The following PCLO variants were observed in gnomAD, a reference collection of about 807,000 sequenced individuals.
PCLO encodes piccolo presynaptic cytomatrix protein, also known as protein piccolo.
Under a neutral mutation model 427.5 loss-of-function variants are expected in PCLO, and 82 were observed. That is an observed-to-expected ratio of 0.19 (90% confidence interval 0.16 to 0.23). The LOEUF (loss-of-function observed/expected upper bound fraction) is 0.23. Among genes scored for constraint, PCLO ranks in the 10% least tolerant of loss-of-function variants. PCLO has a pLI of 1.00. For missense variants in PCLO, 6,239 were observed against 6,115.9 expected (o/e 1.02, Z -0.67); for synonymous variants, 2,357 against 2,155.4 (o/e 1.09, Z -2.59).
At chr7:82,790,307 T>C (rs1324475516) in intron 22 of PCLO, among the ~76,000 whole-genome samples, 2 of 152,122 alleles carry the variant, frequency 1.3e-5, no homozygotes, top group African/African-American at 4.8e-5. Context: ...TTCAGATATT[T>C]CATAATTTAT....
chr7:82,773,655 G>T (rs1286276840), intron 22 of PCLO, among the ~76,000 whole-genome samples: 1 of 150,818 alleles, frequency 6.6e-6, no homozygotes, highest in East Asian at 1.9e-4. Context: ...TTCCTTAACT[G>T]TCATGCTAGA....
At chr7:83,002,740 T>C (rs1562911896) in intron 3 of PCLO, among the ~76,000 whole-genome samples, 1 of 151,904 alleles carries the variant, frequency 6.6e-6, no homozygotes, top group Non-Finnish European at 1.5e-5. Flanking sequence ...TTTATTGATA[T>C]GGAAAGACTC....
At chr7:83,085,205 C>T (rs1164340926) in intron 3 of PCLO, among the ~76,000 whole-genome samples, 2 of 151,928 alleles carry the variant, frequency 1.3e-5, no homozygotes, top group Non-Finnish European at 2.9e-5. Context: ...GAAATGTGTG[C>T]CATTTCAGGA....
chr7:82,758,512 C>T lies in PCLO; in HGVS notation c.*63G>A, dbSNP rs1428161403. ...AAACTTAGCTTTGTACAATAGTATT[C>T]AACTATAGTCTTGATGTGAGGCTAT... On this transcript the variant is annotated 3_prime_UTR_variant, in exon 25 of 25. Coordinates refer to ENST00000333891, the MANE Select transcript of PCLO (RefSeq NM_033026.6). 2.1e-6 allele frequency: 3 copies of T among 1,404,208 alleles called. No individual in the cohort carries two copies. The highest frequency in any genetic ancestry group is 2.9e-5 in the African/African-American group (2 of 69,004). 87.0% of individuals were successfully genotyped at this position (1,404,208 alleles called of 1,614,324 possible).
At chr7:82,891,635 C>T (rs1468309157) in intron 9 of PCLO, among the ~76,000 whole-genome samples, 1 of 151,930 alleles carries the variant, frequency 6.6e-6, no homozygotes, top group Non-Finnish European at 1.5e-5. Context: ...GGAATGCTTC[C>T]AGTTTTTGCC....
intron 3 of PCLO, among the ~76,000 whole-genome samples, chr7:83,101,391 C>G (rs1584026412): frequency 6.6e-6 from 1 of 151,906 alleles, no homozygotes; most frequent in African/African-American, 2.4e-5. Context: ...GAAAATAACA[C>G]CATAGCTAAA....
At chr7:82,848,952 TA>T in intron 10 of PCLO, 2 of 379,590 alleles carry the variant, frequency 5.3e-6, no homozygotes, top group Admixed American at 2.9e-5. Flanking sequence ...GAAAATTATG[TA>T]AAAGACAGTG....
intron 10 of PCLO, among the ~76,000 whole-genome samples, chr7:82,877,975 C>T (rs1793415259): frequency 1.3e-5 from 2 of 152,144 alleles, no homozygotes. Context: ...GCCACCAAGC[C>T]CAGCCAACAA....
chr7:82,852,281 G>T (rs1792682990), intron 10 of PCLO, among the ~76,000 whole-genome samples: 2 of 152,208 alleles, frequency 1.3e-5, no homozygotes, highest in African/African-American at 4.8e-5. Flanking sequence ...ATGCAGTATT[G>T]TTCCTGGGTG....
At chr7:82,864,673 CA>C (rs1175458305) in intron 10 of PCLO, among the ~76,000 whole-genome samples, 1 of 152,064 alleles carries the variant, frequency 6.6e-6, no homozygotes, top group Non-Finnish European at 1.5e-5. Context: ...CTGTTATCCT[CA>C]AAACGTTATA....
chr7:82,846,211 G>A (rs1206982292), intron 12 of PCLO, among the ~76,000 whole-genome samples: 1 of 152,012 alleles, frequency 6.6e-6, no homozygotes, highest in African/African-American at 2.4e-5. Flanking sequence ...AAAGAATCAA[G>A]TACGCTCTAA....
chr7:83,002,273 G>A (rs1163680429), intron 3 of PCLO, among the ~76,000 whole-genome samples: 3 of 150,726 alleles, frequency 2.0e-5, no homozygotes, highest in African/African-American at 7.3e-5. Context: ...TTATCATACG[G>A]CTTCCTATTC....
chr7:83,014,892 A>C (rs1788169424), intron 3 of PCLO, among the ~76,000 whole-genome samples: 1 of 152,168 alleles, frequency 6.6e-6, no homozygotes, highest in Non-Finnish European at 1.5e-5. Context: ...CCCTTTTTTT[A>C]GTCACATTTC....
chr7:83,007,242 T>C (rs146716115), intron 3 of PCLO, among the ~76,000 whole-genome samples: 3 of 151,562 alleles, frequency 2.0e-5, no homozygotes, highest in East Asian at 3.9e-4. Flanking sequence ...GAAAAAAGTA[T>C]AGAAACACAA....
intron 3 of PCLO, among the ~76,000 whole-genome samples, chr7:83,037,314 T>G (rs1053950359): frequency 1.5e-4 from 23 of 152,058 alleles, no homozygotes; most frequent in Non-Finnish European, 3.2e-4. Context: ...AAAACAGCGT[T>G]CTGCCATATC....
chr7:82,815,035 CAA>C (rs1406679646), intron 20 of PCLO, among the ~76,000 whole-genome samples: 1 of 151,904 alleles, frequency 6.6e-6, no homozygotes, highest in East Asian at 1.9e-4. Flanking sequence ...AAAAAAATAT[CAA>C]GTTTTCAGCT....
At chr7:82,857,298 C>A (rs1342893460) in intron 10 of PCLO, among the ~76,000 whole-genome samples, 1 of 152,070 alleles carries the variant, frequency 6.6e-6, no homozygotes, top group African/African-American at 2.4e-5. Context: ...GTAGTTGATG[C>A]ACTTAGGAAT....
intron 6 of PCLO, among the ~76,000 whole-genome samples, chr7:82,935,849 C>T (rs755172845): frequency 2.6e-5 from 4 of 151,584 alleles, no homozygotes; most frequent in Admixed American, 6.6e-5. Context: ...AAAAATTAAG[C>T]TGGCAAAAAC....
intron 3 of PCLO, among the ~76,000 whole-genome samples, chr7:83,036,414 A>C (rs907914199): frequency 9.9e-5 from 15 of 152,174 alleles, no homozygotes; most frequent in Non-Finnish European, 2.1e-4. Context: ...AAGCTCTTGC[A>C]GATTGATTGC....
Sources: gnomAD v4.1 joint callset for allele counts (sites outside exome capture counted in the v4.1 genomes callset) on GRCh38, gnomAD v4.1.1 for gene constraint, MANE v1.5 for transcripts, NCBI Gene and HGNC (gene_info 2026-07-23, HGNC 2026-07-21) for gene names.